The following ZMYND11 variants were observed in gnomAD, a reference collection of about 807,000 sequenced individuals.
The protein encoded by ZMYND11 is zinc finger MYND-type containing 11, also known as zinc finger MYND domain-containing protein 11.
A neutral mutation model predicts 84.9 loss-of-function variants in ZMYND11; 9 were observed. The observed-to-expected ratio is 0.11, with a 90% CI of 0.06 to 0.18. The LOEUF is 0.18. Among genes scored for constraint, ZMYND11 ranks in the 10% least tolerant of loss-of-function variants. ZMYND11 has a pLI of 1.00. For missense variants in ZMYND11, 409 were observed against 761.0 expected (o/e 0.54, Z 5.44); for synonymous variants, 250 against 244.1 (o/e 1.02, Z -0.23).
intron 1 of ZMYND11, among the ~76,000 whole-genome samples, chr10:152,581 A>G (rs1840651929): frequency 6.6e-6 from 1 of 152,196 alleles, no homozygotes; most frequent in African/African-American, 2.4e-5. Context: ...AGAGACCTAC[A>G]AAAAGGCTTA....
At chr10:208,669 T>C (rs1467549331) in intron 2 of ZMYND11, among the ~76,000 whole-genome samples, 2 of 152,204 alleles carry the variant, frequency 1.3e-5, no homozygotes, top group Non-Finnish European at 2.9e-5. Context: ...ACATTGCTTG[T>C]TCTGTCAATG....
At chr10:249,364 C>T (rs1226750698) in intron 14 of ZMYND11, 7 of 1,171,466 alleles carry the variant, frequency 6.0e-6, no homozygotes, top group Middle Eastern at 7.1e-4. Flanking sequence ...ATAATTTCTC[C>T]ATCTATGCAT....
Position 248,329 on chromosome 10 carries a change from C to G in ZMYND11, c.1228-7C>G, listed in dbSNP as rs929077844. The G allele has an allele frequency of 6.2e-7, 1 of 1,611,450 alleles. No individual in the cohort carries two copies. Among genetic ancestry groups the G allele is most frequent in the Non-Finnish European group, 8.5e-7 (1 of 1,178,298 alleles). On this transcript the variant is annotated splice_region_variant and splice_polypyrimidine_tract_variant and intron_variant, in intron 12 of 14. Transcript: ENST00000381604. ...TTTGGCGTCTAAACTCTTGTCTCACCTTTTAGGAACCAGAGCCTGAAACAG... is the reference window on the plus strand; with the variant it reads ...TTTGGCGTCTAAACTCTTGTCTCACGTTTTAGGAACCAGAGCCTGAAACAG...
chr10:168,291 A>T (rs1421637111), intron 1 of ZMYND11, among the ~76,000 whole-genome samples: 4 of 151,958 alleles, frequency 2.6e-5, no homozygotes, highest in African/African-American at 9.7e-5. Context: ...CAAACACATT[A>T]AAAAAAACTA....
intron 1 of ZMYND11, among the ~76,000 whole-genome samples, chr10:172,271 CAG>C (rs1225289986): frequency 6.6e-6 from 1 of 152,000 alleles, no homozygotes; most frequent in African/African-American, 2.4e-5. Flanking sequence ...AGATAATAAA[CAG>C]AAATAAGAAG....
At chr10:200,366 GTGTATATA>G (rs1213045699) in intron 2 of ZMYND11, among the ~76,000 whole-genome samples, 9 of 143,156 alleles carry the variant, frequency 6.3e-5, no homozygotes, top group Admixed American at 2.1e-4. Flanking sequence ...GTGTATATAT[GTGTATATA>G]TGTATATATA....
intron 1 of ZMYND11, among the ~76,000 whole-genome samples, chr10:146,042 G>A (rs939333466): frequency 6.6e-6 from 1 of 152,076 alleles, no homozygotes; most frequent in Non-Finnish European, 1.5e-5. Context: ...AATCCATCTT[G>A]AGTTGATTTT....
chr10:226,509 C>G (rs1254491358), intron 4 of ZMYND11, among the ~76,000 whole-genome samples: 1 of 152,062 alleles, frequency 6.6e-6, no homozygotes, highest in Non-Finnish European at 1.5e-5. Context: ...GATTTCATAA[C>G]TTAGAGGAGT....
At chr10:188,450 G>A (rs1310526024) in intron 2 of ZMYND11, among the ~76,000 whole-genome samples, 5 of 151,562 alleles carry the variant, frequency 3.3e-5, no homozygotes, top group African/African-American at 7.3e-5. Context: ...AAAATTAGCC[G>A]GGTGTGGTGG....
chr10:146,943 C>G (rs530473020), intron 1 of ZMYND11, among the ~76,000 whole-genome samples: 29 of 152,362 alleles, frequency 1.9e-4, no homozygotes, highest in Non-Finnish European at 3.5e-4. Flanking sequence ...GTGAGGTCTC[C>G]CCAGCCATGT....
chr10:216,204 C>T (rs1415684944), intron 3 of ZMYND11, among the ~76,000 whole-genome samples: 2 of 152,186 alleles, frequency 1.3e-5, no homozygotes, highest in South Asian at 4.1e-4. Context: ...CCATGGCAAG[C>T]AGGGGCGCCC....
At chr10:139,728 T>TTTG (rs1257279694) in intron 1 of ZMYND11, among the ~76,000 whole-genome samples, 2 of 139,466 alleles carry the variant, frequency 1.4e-5, no homozygotes, top group African/African-American at 5.5e-5. Flanking sequence ...TTTTTTTTTT[T>TTTG]GGAGATAGGG....
chr10:246,696 G>A, intron 10 of ZMYND11, 70 bp from the exon 11 acceptor site: 1 of 1,465,874 alleles, frequency 6.8e-7, no homozygotes, highest in South Asian at 1.2e-5. Context: ...AGGGTCCACT[G>A]AAGCCCTCTT....
At chr10:242,425 A>G (rs1046891784) in intron 10 of ZMYND11, among the ~76,000 whole-genome samples, 1 of 152,184 alleles carries the variant, frequency 6.6e-6, no homozygotes, top group Non-Finnish European at 1.5e-5. Context: ...GAATGTGTCC[A>G]TTCCATAATA....
chr10:253,340 C>T lies in ZMYND11; in HGVS notation c.*870C>T, dbSNP rs1953852324. The T allele has an allele frequency of 6.6e-6, 1 of 152,624 alleles. No homozygotes were observed. The highest frequency in any genetic ancestry group is 2.1e-4 in the South Asian group (1 of 4,832). The allele number at this position is 152,624 out of a possible 1,614,324, so 9.5% of individuals were successfully genotyped here. ...CTTCCCTTCCCTTCCCACATATCAT[C>T]TCACTGCCTATTATCTGGTGTCACC... On this transcript the variant is annotated 3_prime_UTR_variant, in exon 15 of 15. Coordinates refer to ENST00000381604, the MANE Select transcript of ZMYND11 (RefSeq NM_001370100.5).
chr10:169,237 C>T (rs868994506), intron 1 of ZMYND11, among the ~76,000 whole-genome samples: 2 of 152,112 alleles, frequency 1.3e-5, no homozygotes, highest in African/African-American at 2.4e-5. Flanking sequence ...CTGTACAGCC[C>T]TGGTGAAGTT....
rs1208741286 is a variant in ZMYND11, at chr10:135,803, G to A, written c.-20+244G>A. Among the ~76,000 whole-genome samples the A allele has an allele frequency of 6.7e-6, 1 of 149,058 alleles. No individual in the cohort carries two copies. Among genetic ancestry groups the A allele is most frequent in the Non-Finnish European group, 1.5e-5 (1 of 66,832 alleles). On this transcript the variant is annotated intron_variant, in intron 1 of 14. Transcript: ENST00000381604. The surrounding 1 kb of genome is among the most constrained non-coding windows in gnomAD (Gnocchi z 5.6). Reference sequence around the variant, plus strand: ...CGGGGCCTGCGGAGGCTGCCGGCCCGCGCCCACTCGCCTTGGGCGGCCGCG... The same window carrying A: ...CGGGGCCTGCGGAGGCTGCCGGCCCACGCCCACTCGCCTTGGGCGGCCGCG...
intron 2 of ZMYND11, among the ~76,000 whole-genome samples, chr10:202,494 T>G (rs1360507340): frequency 2.0e-5 from 3 of 152,030 alleles, no homozygotes; most frequent in Non-Finnish European, 4.4e-5. Flanking sequence ...ACTAGATCAG[T>G]TATTCTTTAT....
At chr10:249,324 C>T (rs2131984219) in intron 14 of ZMYND11, 2 of 1,309,432 alleles carry the variant, frequency 1.5e-6, no homozygotes, top group South Asian at 2.0e-5. Flanking sequence ...ATTATAATAC[C>T]TTAGTACATA....
Sources: allele counts gnomAD v4.1 joint callset (sites outside exome capture counted in the v4.1 genomes callset), GRCh38; gene constraint gnomAD v4.1.1; non-coding constraint Gnocchi (gnomAD v3.1); transcripts MANE v1.5; gene names NCBI Gene and HGNC (gene_info 2026-07-23, HGNC 2026-07-21).